Variants in NCAM2 observed in about 807,000 individuals in gnomAD.
The protein encoded by NCAM2 is neural cell adhesion molecule 2.
In NCAM2, 30 loss-of-function variants were observed where a neutral mutation model predicts 98.1. That is an observed-to-expected ratio of 0.31 (90% CI 0.23 to 0.41). The LOEUF is 0.41. Ranked by LOEUF, NCAM2 falls within the 10% of genes least tolerant of loss-of-function variation. The pLI is 1.00. For missense variants in NCAM2, 867 were observed against 1,005.8 expected (o/e 0.86, Z 1.87); for synonymous variants, 368 against 342.4 (o/e 1.07, Z -0.83).
At position 21,537,837 on chromosome 21, in the gene NCAM2, A is replaced by T. The variant is rs748341931; in HGVS notation, c.2403-9A>T. 7.1e-7 allele frequency: 1 copy of T among 1,401,406 alleles called. No homozygotes were observed. Among genetic ancestry groups the T allele is most frequent in the Non-Finnish European group, 9.9e-7 (1 of 1,011,176 alleles). The allele number at this position is 1,401,406 out of a possible 1,614,324, so 86.8% of individuals were successfully genotyped here. On this transcript the variant is annotated splice_polypyrimidine_tract_variant and intron_variant, in intron 17 of 17. Transcript: ENST00000400546. ...CAGAAAATGAAGCTTATTATTTTTT[A>T]TCTTCCAGAAAATTGCCTTTAAAGG...
intron 1 of NCAM2, among the ~76,000 whole-genome samples, chr21:21,046,560 T>TA (rs1182729861): frequency 6.6e-6 from 1 of 152,196 alleles, no homozygotes; most frequent in Non-Finnish European, 1.5e-5. Context: ...AACCAACACT[T>TA]ACTGTCATAC....
chr21:21,433,742 C>CAATAAAATAAAATAAAATAAAATAAAATA (rs2077396704), intron 12 of NCAM2, among the ~76,000 whole-genome samples: 1 of 105,200 alleles, frequency 9.5e-6, no homozygotes, highest in African/African-American at 3.9e-5. Flanking sequence ...GACTCCATCT[C>CAATAAAATAAAATAAAATAAAATAAAATA]AATAAAATAA....
intron 1 of NCAM2, among the ~76,000 whole-genome samples, chr21:21,233,788 T>C (rs956846649): frequency 6.6e-6 from 1 of 151,768 alleles, no homozygotes; most frequent in Non-Finnish European, 1.5e-5. Flanking sequence ...ATTTGGGTCA[T>C]AATATAGTTT....
chr21:21,465,525 C>G (rs956461520), intron 12 of NCAM2, among the ~76,000 whole-genome samples: 13 of 143,204 alleles, frequency 9.1e-5, no homozygotes, highest in African/African-American at 3.4e-4. Flanking sequence ...TCATATAATA[C>G]AGAGAATATG....
At chr21:21,160,323 T>C (rs1024322295) in intron 1 of NCAM2, among the ~76,000 whole-genome samples, 2 of 151,930 alleles carry the variant, frequency 1.3e-5, no homozygotes, top group East Asian at 1.9e-4. Context: ...TATACTTCTT[T>C]AATATAAATA....
At chr21:21,450,793 T>TGTATAC (rs751489970) in intron 12 of NCAM2, among the ~76,000 whole-genome samples, 6 of 143,528 alleles carry the variant, frequency 4.2e-5, no homozygotes, top group East Asian at 2.1e-4. Context: ...TATGTATGTA[T>TGTATAC]ACACACACAC....
intron 5 of NCAM2, among the ~76,000 whole-genome samples, chr21:21,322,020 A>C (rs1221712147): frequency 6.6e-6 from 1 of 152,224 alleles, no homozygotes; most frequent in Non-Finnish European, 1.5e-5. Context: ...CGATTATCAC[A>C]GTGCTATTCA....
intron 1 of NCAM2, among the ~76,000 whole-genome samples, chr21:21,013,924 T>C (rs2146149918): frequency 6.6e-6 from 1 of 152,326 alleles, no homozygotes; most frequent in East Asian, 1.9e-4. Context: ...CTAGTTAACA[T>C]AGTTGATGAA....
chr21:21,130,183 G>C (rs2066905837), intron 1 of NCAM2, among the ~76,000 whole-genome samples: 1 of 152,040 alleles, frequency 6.6e-6, no homozygotes, highest in Admixed American at 6.6e-5. Flanking sequence ...AATGTCTTTT[G>C]AATTGTTGGT....
chr21:21,321,694 G>T (rs1449868720), intron 5 of NCAM2, among the ~76,000 whole-genome samples: 1 of 152,036 alleles, frequency 6.6e-6, no homozygotes. Flanking sequence ...TGTTAACTTT[G>T]TCAAAGTTCA....
chr21:21,275,478 T>G (rs969355804), intron 1 of NCAM2, among the ~76,000 whole-genome samples: 1 of 151,210 alleles, frequency 6.6e-6, no homozygotes, highest in African/African-American at 2.4e-5. Flanking sequence ...AAAAGAAAAA[T>G]AAAAAATAAA....
At chr21:21,385,867 C>G (rs566828448) in intron 9 of NCAM2, among the ~76,000 whole-genome samples, 2 of 152,188 alleles carry the variant, frequency 1.3e-5, no homozygotes, top group African/African-American at 4.8e-5. Context: ...TTTAATTTAA[C>G]AGTTACATAC....
rs150416827 is a variant in NCAM2 at position 21,176,570 on chromosome 21, G to A, written c.56-104008G>A. Among the ~76,000 whole-genome samples the A allele has an allele frequency of 7.3e-3, 1,109 of 152,018 alleles. 34 individuals are homozygous for A. The East Asian group carries it at 0.097, about 13-fold the overall frequency. ...GGATACTTGACACATTTATTACAAT[G>A]TAACATAGATTATTGAAACATGAAC... On this transcript the variant is annotated intron_variant, in intron 1 of 17. Coordinates refer to ENST00000400546, the MANE Select transcript of NCAM2 (RefSeq NM_004540.5).
In NCAM2 at chr21:21,286,419, A is replaced by G. The variant is rs2073103558; in HGVS notation, c.481+7A>G. The G allele has an allele frequency of 6.2e-7, 1 of 1,611,176 alleles. No individual in the cohort carries two copies. Among genetic ancestry groups the G allele is most frequent in the South Asian group, 1.1e-5 (1 of 90,890 alleles). Reference sequence around the variant, plus strand: ...GTCACCACTATTTCCGACAGTTAGTATTTTGGTAACTCCCTAAGTTATATG... The same window carrying G: ...GTCACCACTATTTCCGACAGTTAGTGTTTTGGTAACTCCCTAAGTTATATG... On this transcript the variant is annotated splice_region_variant and intron_variant, in intron 4 of 17. Coordinates refer to ENST00000400546, the MANE Select transcript of NCAM2 (RefSeq NM_004540.5).
intron 9 of NCAM2, among the ~76,000 whole-genome samples, chr21:21,378,860 T>A (rs545417773): frequency 2.4e-4 from 36 of 152,206 alleles, no homozygotes; most frequent in African/African-American, 7.5e-4. Context: ...AACATTTTTG[T>A]TTGATTTCTT....
chr21:21,210,967 A>AACACACACAC lies in NCAM2; in HGVS notation c.56-69564_56-69555dup, dbSNP rs71195310. 9.7e-3 allele frequency among the ~76,000 whole-genome samples: 1,229 copies of AACACACACAC among 127,290 alleles called. 21 individuals carry two copies. The highest frequency in any genetic ancestry group is 0.028 in the African/African-American group (863 of 30,854). 83.5% of individuals were successfully genotyped at this position (127,290 alleles called of 152,430 possible). A position where few individuals can be genotyped will look rare whatever the true frequency, so the allele number is the denominator to read the frequency against. On this transcript the variant is annotated intron_variant, in intron 1 of 17. Coordinates refer to ENST00000400546, the MANE Select transcript of NCAM2 (RefSeq NM_004540.5). ...CAGGAGTTTACTAATACTCTCCCCA[A>AACACACACAC]ACACACACACACACACACACACACA...
intron 1 of NCAM2, among the ~76,000 whole-genome samples, chr21:21,006,196 T>TTATATA (rs1160797302): frequency 6.6e-6 from 1 of 152,100 alleles, no homozygotes; most frequent in African/African-American, 2.4e-5. Flanking sequence ...GGATGATGTG[T>TTATATA]TATAATGCAG....
At chr21:21,373,041 A>C (rs2075955253) in intron 8 of NCAM2, among the ~76,000 whole-genome samples, 5 of 151,852 alleles carry the variant, frequency 3.3e-5, no homozygotes, top group Admixed American at 2.6e-4. Context: ...AAAGTTAATT[A>C]AGTACAAGTG....
chr21:21,450,126 A>G (rs1980801843), intron 12 of NCAM2, among the ~76,000 whole-genome samples: 1 of 152,084 alleles, frequency 6.6e-6, no homozygotes, highest in African/African-American at 2.4e-5. Flanking sequence ...TCATCAGGGT[A>G]CACAAAGATA....
Sources: gnomAD v4.1 joint callset for allele counts (sites outside exome capture counted in the v4.1 genomes callset) on GRCh38, gnomAD v4.1.1 for gene constraint, MANE v1.5 for transcripts, NCBI Gene and HGNC (gene_info 2026-07-23, HGNC 2026-07-21) for gene names.